The following TRIO variants were observed in gnomAD, a reference collection of about 807,000 sequenced individuals.
The protein encoded by TRIO is trio Rho guanine nucleotide exchange factor.
TRIO carries 58 observed loss-of-function variants against 351.9 expected under a neutral mutation model. The observed-to-expected ratio is 0.16, with a 90% CI of 0.13 to 0.21. TRIO has a LOEUF of 0.21. Among genes scored for constraint, TRIO ranks in the 10% least tolerant of loss-of-function variants. TRIO has a pLI of 1.00. For missense variants in TRIO, 3,201 were observed against 4,027.8 expected (o/e 0.79, Z 5.56); for synonymous variants, 1,758 against 1,595.7 (o/e 1.10, Z -2.42).
intron 1 of TRIO, among the ~76,000 whole-genome samples, chr5:14,192,123 C>T (rs889975218): frequency 2.0e-5 from 3 of 152,086 alleles, no homozygotes; most frequent in African/African-American, 4.8e-5. Context: ...GACAATAATA[C>T]AGATTGCATT....
intron 1 of TRIO, among the ~76,000 whole-genome samples, chr5:14,158,989 G>A (rs1295603648): frequency 6.6e-6 from 1 of 152,188 alleles, no homozygotes; most frequent in Admixed American, 6.5e-5. Context: ...CATTATACCT[G>A]AGGAAATGGA....
intron 8 of TRIO, among the ~76,000 whole-genome samples, chr5:14,310,336 G>C (rs1455157874): frequency 6.6e-6 from 1 of 152,242 alleles, no homozygotes; most frequent in Non-Finnish European, 1.5e-5. Context: ...ATCCACCAAA[G>C]GGCCACTGCT....
At chr5:14,242,194 C>T (rs757843204) in intron 1 of TRIO, among the ~76,000 whole-genome samples, 14 of 152,252 alleles carry the variant, frequency 9.2e-5, no homozygotes, top group Non-Finnish European at 1.2e-4. Context: ...TGCTTCTGTG[C>T]TCTTAGCCTC....
intron 13 of TRIO, among the ~76,000 whole-genome samples, chr5:14,363,349 T>G (rs961317245): frequency 1.3e-5 from 2 of 152,216 alleles, no homozygotes; most frequent in African/African-American, 4.8e-5. Context: ...CTTTTCTTTC[T>G]TTTTGACTTT....
At chr5:14,268,551 G>A (rs919629834) in intron 1 of TRIO, among the ~76,000 whole-genome samples, 3 of 152,190 alleles carry the variant, frequency 2.0e-5, no homozygotes, top group African/African-American at 7.2e-5. Flanking sequence ...TGGCCATGAC[G>A]TGTGGGTGTG....
At chr5:14,480,801 A>G (rs975848169) in intron 43 of TRIO, among the ~76,000 whole-genome samples, 14 of 152,106 alleles carry the variant, frequency 9.2e-5, no homozygotes, top group African/African-American at 3.4e-4. Flanking sequence ...AAGTAGAACT[A>G]AGGCACCAGA....
intron 1 of TRIO, among the ~76,000 whole-genome samples, chr5:14,220,483 G>A (rs978682263): frequency 6.6e-6 from 1 of 152,222 alleles, no homozygotes; most frequent in African/African-American, 2.4e-5. Context: ...TAAATCAAAA[G>A]CTAGAAATGA....
At chr5:14,384,335 G>A (rs1183817462) in intron 21 of TRIO, among the ~76,000 whole-genome samples, 2 of 152,192 alleles carry the variant, frequency 1.3e-5, no homozygotes, top group Admixed American at 1.3e-4. Flanking sequence ...TTGAATTTCT[G>A]TCTAAGAAAA....
chr5:14,381,403 G>A (rs767251200), intron 21 of TRIO, 151 bp downstream of exon 21: 20 of 989,866 alleles, frequency 2.0e-5, no homozygotes, highest in East Asian at 8.3e-5. Context: ...TTCCGTTCAC[G>A]TGTGTCCCTC....
chr5:14,406,630 C>T lies in TRIO; in HGVS notation c.4917C>T (p.Ser1639=). 6.2e-7 allele frequency: 1 copy of T among 1,614,096 alleles called. No homozygotes were observed. The highest frequency in any genetic ancestry group is 8.5e-7 in the Non-Finnish European group (1 of 1,179,980). ...GDGSSQPDTI[S]IASRTSQNTL... ...GCAGCAGCCAGCCTGATACGATTTC[C>T]ATCGCCTCACGGACGTCTCAGAACA... The change falls in exon 33 of 57, where the codon TCC becomes TCT. Residue 1639 remains serine (S), a synonymous_variant. Transcript: ENST00000344204.
At position 14,290,718 on chromosome 5, in the gene TRIO, A is replaced by T. The variant is rs748589681; in HGVS notation, c.543A>T (p.Thr181=). The T allele has an allele frequency of 6.3e-7, 1 of 1,593,418 alleles. No homozygotes were observed. The highest frequency in any genetic ancestry group is 2.2e-5 in the East Asian group (1 of 44,526). ...NFGSSKFEFE[T]NMVSLEGLTK... ...TACGTGATTTTTTTTCCCTTAAGACAAATATGGTCTCTTTAGAAGGCCTTA... is the reference window on the plus strand; with the variant it reads ...TACGTGATTTTTTTTCCCTTAAGACTAATATGGTCTCTTTAGAAGGCCTTA... Residue 181 remains threonine (T), a splice_region_variant and synonymous_variant, in exon 5 of 57, where the codon ACA becomes ACT. Coordinates refer to ENST00000344204, the MANE Select transcript of TRIO (RefSeq NM_007118.4).
chr5:14,205,506 A>G (rs1791400357), intron 1 of TRIO, among the ~76,000 whole-genome samples: 1 of 152,172 alleles, frequency 6.6e-6, no homozygotes. Flanking sequence ...GGCCAGGGAG[A>G]GGATAAAAAC....
rs780874205 is a variant in TRIO at position 14,497,896 on chromosome 5, C to T, written c.8047+22C>T. ...GACGGTGAGTTCTGTTCTTTTTCTT[C>T]TAGTCCTAGAGATGATTCTAGACCT... On this transcript the variant is annotated intron_variant, in intron 51 of 56. Transcript: ENST00000344204. The surrounding 1 kb of genome is among the most constrained non-coding windows in gnomAD (Gnocchi z 4.4). The T allele has an allele frequency of 2.5e-6, 4 of 1,614,146 alleles. No individual in the cohort carries two copies. Among genetic ancestry groups the T allele is most frequent in the Non-Finnish European group, 3.4e-6 (4 of 1,180,000 alleles).
At chr5:14,355,473 T>G (rs962637927) in intron 11 of TRIO, among the ~76,000 whole-genome samples, 1 of 152,232 alleles carries the variant, frequency 6.6e-6, no homozygotes, top group African/African-American at 2.4e-5. Context: ...CTAGGATCCC[T>G]GTTTTAGCAA....
At chr5:14,392,106 C>G (rs979447671) in intron 27 of TRIO, among the ~76,000 whole-genome samples, 1 of 152,018 alleles carries the variant, frequency 6.6e-6, no homozygotes, top group African/African-American at 2.4e-5. Context: ...TTTTAGAAAC[C>G]CTTATGCCCC....
In TRIO at chr5:14,270,836, A is replaced by C. The variant is rs548162957; in HGVS notation, c.169A>C (p.Asn57His). 5.6e-6 allele frequency: 9 copies of C among 1,613,976 alleles called. No homozygotes were observed. In the East Asian group the frequency reaches 1.8e-4, roughly 32 times the overall value. ...AAFFRSGFRK[N>H]DEMKAMDVLP... ...CTTCTGTATTTCAGGGTTTCGAAAAAACGATGAAATGAAAGCTATGGATGT... is the reference window on the plus strand; with the variant it reads ...CTTCTGTATTTCAGGGTTTCGAAAACACGATGAAATGAAAGCTATGGATGT... Residue 57 changes from asparagine (N) to histidine (H), a missense_variant, in exon 2 of 57, where the codon AAC becomes CAC. Transcript: ENST00000344204.
intron 33 of TRIO, among the ~76,000 whole-genome samples, chr5:14,415,104 T>A (rs988777251): frequency 1.3e-5 from 2 of 152,184 alleles, no homozygotes; most frequent in Non-Finnish European, 2.9e-5. Flanking sequence ...TGAACTGTAG[T>A]GGGCTGTAGG....
chr5:14,431,749 A>G (rs911648820), intron 34 of TRIO, among the ~76,000 whole-genome samples: 1 of 152,068 alleles, frequency 6.6e-6, no homozygotes, highest in African/African-American at 2.4e-5. Context: ...GGATTAAACA[A>G]CAGACATTTA....
At chr5:14,340,488 C>A (rs1055918987) in intron 11 of TRIO, among the ~76,000 whole-genome samples, 1 of 151,974 alleles carries the variant, frequency 6.6e-6, no homozygotes, top group Non-Finnish European at 1.5e-5. Context: ...GCTCTCGTGA[C>A]AGAAGTTAGT....
Sources: gnomAD v4.1 joint callset for allele counts (sites outside exome capture counted in the v4.1 genomes callset) on GRCh38, gnomAD v4.1.1 for gene constraint, Gnocchi (gnomAD v3.1) non-coding constraint, MANE v1.5 for transcripts, NCBI Gene and HGNC (gene_info 2026-07-23, HGNC 2026-07-21) for gene names.